The following UMAD1 variants were observed in gnomAD, a reference collection of about 807,000 sequenced individuals.
UMAD1 encodes the protein UBAP1-MVB12-associated (UMA) domain containing 1, also known as UBAP1-MVB12-associated (UMA)-domain containing protein 1.
Under a neutral mutation model 6.1 loss-of-function variants are expected in UMAD1, and 8 were observed. That is an observed-to-expected ratio of 1.30 (90% CI 0.76 to 2.35). The LOEUF is 2.35. Among genes scored for constraint, UMAD1 ranks in the 30% most tolerant of loss-of-function variants. The pLI is 0.00. For synonymous variants in UMAD1, 56 were observed against 31.4 expected (o/e 1.78, Z -2.61); for missense variants, 130 against 78.4 (o/e 1.66, Z -2.49).
At chr7:7,776,200 C>G (rs1182765357) in intron 2 of UMAD1, among the ~76,000 whole-genome samples, 1 of 152,152 alleles carries the variant, frequency 6.6e-6, no homozygotes, top group African/African-American at 2.4e-5. Flanking sequence ...GTGGTATGCA[C>G]TTGTAGTTCC....
At chr7:7,870,155 T>C (rs2115339998) in intron 3 of UMAD1, among the ~76,000 whole-genome samples, 1 of 152,342 alleles carries the variant, frequency 6.6e-6, no homozygotes, top group East Asian at 1.9e-4. Context: ...TATACAAACA[T>C]ATGAAAACAG....
intron 2 of UMAD1, among the ~76,000 whole-genome samples, chr7:7,767,985 C>T (rs1256923400): frequency 6.6e-6 from 1 of 152,160 alleles, no homozygotes; most frequent in East Asian, 1.9e-4. Context: ...TGAATGTGAA[C>T]ATGAACATAC....
intron 2 of UMAD1, among the ~76,000 whole-genome samples, chr7:7,746,865 G>C (rs552814231): frequency 3.3e-5 from 5 of 151,970 alleles, no homozygotes; most frequent in Middle Eastern, 3.4e-3. Flanking sequence ...ATACAATCCT[G>C]TTTCTTATTG....
chr7:7,836,649 A>G (rs1783576182), intron 3 of UMAD1, among the ~76,000 whole-genome samples: 2 of 152,012 alleles, frequency 1.3e-5, no homozygotes, highest in African/African-American at 4.8e-5. Context: ...AAATATTATA[A>G]TGATCATGAG....
intron 3 of UMAD1, among the ~76,000 whole-genome samples, chr7:7,802,343 G>GCT (rs1369982028): frequency 1.3e-5 from 2 of 150,580 alleles, no homozygotes; most frequent in African/African-American, 4.9e-5. Flanking sequence ...GCGCCTCTGC[G>GCT]CTCCTGCCTG....
intron 2 of UMAD1, among the ~76,000 whole-genome samples, chr7:7,768,814 G>A (rs752837433): frequency 1.3e-5 from 2 of 152,038 alleles, no homozygotes; most frequent in African/African-American, 2.4e-5. Context: ...TAATAATTTT[G>A]TACTTTCTCT....
At chr7:7,712,024 G>A (rs1015938404) in intron 2 of UMAD1, among the ~76,000 whole-genome samples, 3 of 151,726 alleles carry the variant, frequency 2.0e-5, no homozygotes, top group African/African-American at 7.3e-5. Flanking sequence ...TTTTCTTCAC[G>A]TATCTTCCAA....
rs573063906 is a variant in UMAD1 at position 7,793,794 on chromosome 7, C to T, written c.83-7876C>T. Among the ~76,000 whole-genome samples, 7 of 152,086 alleles carry T rather than the reference C, an allele frequency of 4.6e-5. No homozygotes were observed. In the East Asian group the frequency reaches 5.8e-4, roughly 13 times the overall value. On this transcript the variant is annotated intron_variant, in intron 2 of 3. Coordinates refer to ENST00000682710, the MANE Select transcript of UMAD1 (RefSeq NM_001302348.2). ...AAATTTGGCCATATAGAGAGTCTTC[C>T]GAAGAGTCAGATGAAAAGAATATAT...
At position 7,877,706 on chromosome 7, in the gene UMAD1, G is replaced by GTA; in HGVS notation, c.*171_*172dup. On this transcript the variant is annotated 3_prime_UTR_variant, in exon 4 of 4. Coordinates refer to ENST00000682710, the MANE Select transcript of UMAD1 (RefSeq NM_001302348.2). Reference sequence around the variant, plus strand: ...CTATTTTTAAGAAAAAGGTACATTTGTATACAAATTGAACTTAAGTTCTAC... The same window carrying GTA: ...CTATTTTTAAGAAAAAGGTACATTTGTATATACAAATTGAACTTAAGTTCTAC... 1.7e-6 allele frequency: 1 copy of GTA among 573,438 alleles called. No individual in the cohort carries two copies. The highest frequency in any genetic ancestry group is 1.9e-5 in the African/African-American group (1 of 53,534). The allele number at this position is 573,438 out of a possible 1,614,324, so 35.5% of individuals were successfully genotyped here.
intron 1 of UMAD1, among the ~76,000 whole-genome samples, chr7:7,645,276 T>G (rs1785068105): frequency 6.6e-6 from 1 of 152,200 alleles, no homozygotes; most frequent in African/African-American, 2.4e-5. Flanking sequence ...AGTGTTTAAG[T>G]CAAGATGGGG....
At chr7:7,849,328 T>G (rs1783870083) in intron 3 of UMAD1, among the ~76,000 whole-genome samples, 1 of 152,134 alleles carries the variant, frequency 6.6e-6, no homozygotes, top group African/African-American at 2.4e-5. Context: ...TACAGAAACA[T>G]AAGGTAGCTT....
At chr7:7,728,639 A>G (rs954665068) in intron 2 of UMAD1, among the ~76,000 whole-genome samples, 2 of 147,034 alleles carry the variant, frequency 1.4e-5, no homozygotes, top group African/African-American at 4.9e-5. Context: ...GTGAGACTCC[A>G]TCTTAAGAAA....
At chr7:7,676,928 T>C (rs1335050773) in intron 2 of UMAD1, among the ~76,000 whole-genome samples, 1 of 152,160 alleles carries the variant, frequency 6.6e-6, no homozygotes, top group Non-Finnish European at 1.5e-5. Context: ...GCTAGGTTTC[T>C]CTTTTTATTA....
At chr7:7,787,888 A>G (rs1366496379) in intron 2 of UMAD1, among the ~76,000 whole-genome samples, 5 of 152,230 alleles carry the variant, frequency 3.3e-5, no homozygotes, top group East Asian at 1.9e-4. Flanking sequence ...TCAAAGTGCT[A>G]TTAATAAGCT....
At chr7:7,808,649 TA>T (rs1782966328) in intron 3 of UMAD1, among the ~76,000 whole-genome samples, 1 of 152,004 alleles carries the variant, frequency 6.6e-6, no homozygotes, top group Non-Finnish European at 1.5e-5. Context: ...CTTGTATTTG[TA>T]ACTGCAGTTT....
intron 2 of UMAD1, among the ~76,000 whole-genome samples, chr7:7,762,992 A>G (rs546911572): frequency 6.6e-6 from 1 of 152,222 alleles, no homozygotes; most frequent in African/African-American, 2.4e-5. Flanking sequence ...TAAATAAACA[A>G]TGATATAAAA....
chr7:7,642,848 C>G (rs1428020321), intron 1 of UMAD1, among the ~76,000 whole-genome samples: 1 of 152,070 alleles, frequency 6.6e-6, no homozygotes, highest in African/African-American at 2.4e-5. Flanking sequence ...GTTAAGCTTC[C>G]TAAGCTTTTC....
At chr7:7,803,174 T>A (rs1782836703) in intron 3 of UMAD1, among the ~76,000 whole-genome samples, 1 of 152,246 alleles carries the variant, frequency 6.6e-6, no homozygotes, top group African/African-American at 2.4e-5. Flanking sequence ...ATCTCTTTCA[T>A]TTATTCAAAC....
chr7:7,840,751 G>T (rs1468873401), intron 3 of UMAD1, among the ~76,000 whole-genome samples: 1 of 152,244 alleles, frequency 6.6e-6, no homozygotes, highest in East Asian at 1.9e-4. Flanking sequence ...TTTTATCAAA[G>T]GTTCTTCACA....
Sources: gnomAD v4.1 joint callset for allele counts (sites outside exome capture counted in the v4.1 genomes callset) on GRCh38, gnomAD v4.1.1 for gene constraint, MANE v1.5 for transcripts, NCBI Gene and HGNC (gene_info 2026-07-23, HGNC 2026-07-21) for gene names.